Variants in WWC1 observed in about 807,000 individuals in gnomAD.
WWC1 encodes WW and C2 domain containing 1.
WWC1 carries 55 observed loss-of-function variants against 138.4 expected under a neutral mutation model. That is an observed-to-expected ratio of 0.40 (90% CI 0.32 to 0.50). The LOEUF (loss-of-function observed/expected upper bound fraction) is 0.50, where lower values mean the gene tolerates loss of function less well. Ranked by LOEUF, WWC1 falls within the 20% of genes least tolerant of loss-of-function variation. The pLI, the probability that WWC1 is intolerant of heterozygous loss-of-function variation, is 0.72. For synonymous variants in WWC1, 524 were observed against 564.9 expected (o/e 0.93, Z 1.03); for missense variants, 1,226 against 1,420.4 (o/e 0.86, Z 2.20).
intron 19 of WWC1, among the ~76,000 whole-genome samples, chr5:168,459,563 G>C (rs1013863126): frequency 6.6e-6 from 1 of 152,156 alleles, no homozygotes; most frequent in African/African-American, 2.4e-5. Flanking sequence ...AACTGTCACT[G>C]AAGCACCTGG....
At chr5:168,297,660 C>CAGAGACA (rs1342440864) in intron 1 of WWC1, among the ~76,000 whole-genome samples, 1 of 150,906 alleles carries the variant, frequency 6.6e-6, no homozygotes, top group Non-Finnish European at 1.5e-5. Context: ...AATTGAGAAC[C>CAGAGACA]AGAGACAAGT....
At chr5:168,304,904 C>T (rs963725007) in intron 1 of WWC1, among the ~76,000 whole-genome samples, 3 of 151,798 alleles carry the variant, frequency 2.0e-5, no homozygotes, top group Non-Finnish European at 4.4e-5. Context: ...CAGTTCACCG[C>T]AACATTTGCC....
At chr5:168,325,186 GC>G (rs1020065465) in intron 1 of WWC1, among the ~76,000 whole-genome samples, 1 of 152,198 alleles carries the variant, frequency 6.6e-6, no homozygotes, top group Admixed American at 6.5e-5. Context: ...GAGATGGCAG[GC>G]CCTGGGGCCT....
At chr5:168,405,202 T>A (rs1243966368) in intron 5 of WWC1, among the ~76,000 whole-genome samples, 2 of 152,196 alleles carry the variant, frequency 1.3e-5, no homozygotes. Context: ...TCTCTCCTTT[T>A]CTTCATTGTG....
chr5:168,428,163 C>T, intron 12 of WWC1, 22 bp downstream of exon 12: 1 of 1,604,708 alleles, frequency 6.2e-7, no homozygotes, highest in South Asian at 1.1e-5. Flanking sequence ...GGTGCTGGCT[C>T]TCTCTGTGGC....
intron 1 of WWC1, among the ~76,000 whole-genome samples, chr5:168,333,042 C>A (rs1773169289): frequency 6.6e-6 from 1 of 152,140 alleles, no homozygotes; most frequent in Admixed American, 6.5e-5. Context: ...GTGGGGGAAC[C>A]CTTCAAGTCT....
chr5:168,411,331 G>A (rs1465400), intron 8 of WWC1, among the ~76,000 whole-genome samples: 2 of 150,778 alleles, frequency 1.3e-5, no homozygotes, highest in Non-Finnish European at 3.0e-5. Flanking sequence ...TTCCTTCCTA[G>A]ACTAAGTTGC....
At chr5:168,329,162 C>A (rs973090606) in intron 1 of WWC1, among the ~76,000 whole-genome samples, 3 of 152,178 alleles carry the variant, frequency 2.0e-5, no homozygotes, top group Non-Finnish European at 4.4e-5. Context: ...CGGAGAGCTT[C>A]CAGGAGACCA....
At chr5:168,302,074 G>C (rs951742138) in intron 1 of WWC1, among the ~76,000 whole-genome samples, 2 of 152,180 alleles carry the variant, frequency 1.3e-5, no homozygotes, top group Non-Finnish European at 2.9e-5. Context: ...TGTGAATCAG[G>C]GTAATGAATT....
chr5:168,324,911 A>G (rs540019312), intron 1 of WWC1, among the ~76,000 whole-genome samples: 6 of 152,354 alleles, frequency 3.9e-5, no homozygotes, highest in African/African-American at 1.2e-4. Flanking sequence ...TTTTACAATA[A>G]TAGGGTGATT....
intron 1 of WWC1, among the ~76,000 whole-genome samples, chr5:168,348,420 C>T (rs1431754017): frequency 6.6e-6 from 1 of 152,204 alleles, no homozygotes; most frequent in Non-Finnish European, 1.5e-5. Flanking sequence ...AATCCACAGC[C>T]GGATGGGAAG....
chr5:168,459,184 G>A (rs1756581991), intron 19 of WWC1, among the ~76,000 whole-genome samples: 2 of 148,678 alleles, frequency 1.3e-5, no homozygotes, highest in African/African-American at 2.5e-5. Flanking sequence ...AGCCCGAGAA[G>A]TCAAGGCTGC....
chr5:168,380,765 A>G (rs781431206), intron 2 of WWC1, among the ~76,000 whole-genome samples: 1 of 152,256 alleles, frequency 6.6e-6, no homozygotes, highest in Non-Finnish European at 1.5e-5. Flanking sequence ...CTAACAATTT[A>G]TCACAAAGAC....
At chr5:168,301,603 A>C (rs1770082503) in intron 1 of WWC1, among the ~76,000 whole-genome samples, 1 of 149,620 alleles carries the variant, frequency 6.7e-6, no homozygotes, top group South Asian at 2.1e-4. Context: ...GTGCTATTGC[A>C]CTCCAGCCTG....
intron 15 of WWC1, among the ~76,000 whole-genome samples, chr5:168,436,534 G>A (rs981970068): frequency 5.9e-5 from 9 of 152,238 alleles, no homozygotes; most frequent in Middle Eastern, 3.4e-3. Flanking sequence ...CTCGAATCTT[G>A]TATCTCCACT....
At chr5:168,446,226 C>A (rs895657976) in intron 17 of WWC1, among the ~76,000 whole-genome samples, 1 of 124,670 alleles carries the variant, frequency 8.0e-6, no homozygotes, top group Admixed American at 8.6e-5. Context: ...CCTTCTCTCC[C>A]ATTATTAAAA....
intron 1 of WWC1, among the ~76,000 whole-genome samples, chr5:168,357,634 T>A (rs1775565983): frequency 1.3e-5 from 2 of 152,074 alleles, no homozygotes; most frequent in South Asian, 2.1e-4. Flanking sequence ...AATGAATAAT[T>A]CATATTGTAT....
intron 2 of WWC1, among the ~76,000 whole-genome samples, chr5:168,377,864 C>T (rs931323290): frequency 2.6e-5 from 4 of 152,180 alleles, no homozygotes; most frequent in African/African-American, 9.7e-5. Flanking sequence ...CTGTGGAAAG[C>T]AGTTTGGAGA....
chr5:168,443,951 G>A (rs1324449838), intron 16 of WWC1, among the ~76,000 whole-genome samples: 1 of 152,194 alleles, frequency 6.6e-6, no homozygotes, highest in South Asian at 2.1e-4. Flanking sequence ...AGTTATTAGA[G>A]GAAACAGTCT....
Sources: allele counts gnomAD v4.1 joint callset (sites outside exome capture counted in the v4.1 genomes callset), GRCh38; gene constraint gnomAD v4.1.1; transcripts MANE v1.5; gene names NCBI Gene and HGNC (gene_info 2026-07-23, HGNC 2026-07-21).